ZSCAN18: variants seen among roughly 807,000 people sequenced by gnomAD.
ZSCAN18 encodes zinc finger and SCAN domain-containing protein 18.
Under a neutral mutation model 31.1 loss-of-function variants are expected in ZSCAN18, and 16 were observed. The observed-to-expected ratio is 0.51, with a 90% confidence interval of 0.35 to 0.78. The LOEUF is 0.78. Ranked by LOEUF, ZSCAN18 falls within the 30% of genes least tolerant of loss-of-function variation. The pLI is 0.01. For synonymous variants in ZSCAN18, 375 were observed against 320.7 expected (o/e 1.17, Z -1.81); for missense variants, 731 against 697.4 (o/e 1.05, Z -0.54).
chr19:58,113,955 G>A (rs2146030456), intron 1 of ZSCAN18, among the ~76,000 whole-genome samples: 1 of 152,184 alleles, frequency 6.6e-6, no homozygotes, highest in Non-Finnish European at 1.5e-5. Flanking sequence ...TCCAGCCTGG[G>A]CAACAGAGAG....
At chr19:58,103,213 T>G (rs781736579), upstream of ZSCAN18, among the ~76,000 whole-genome samples, 2 of 152,238 alleles carry the variant, frequency 1.3e-5, no homozygotes, top group Non-Finnish European at 2.9e-5. Context: ...TGGCAAGATA[T>G]GTATCACAGA....
intron 1 of ZSCAN18, among the ~76,000 whole-genome samples, chr19:58,094,368 G>C (rs76603935): frequency 1.3e-5 from 2 of 150,356 alleles, no homozygotes; most frequent in Non-Finnish European, 3.0e-5. Flanking sequence ...CCGAGATCGC[G>C]CCACTGCACT....
upstream of ZSCAN18, among the ~76,000 whole-genome samples, chr19:58,102,461 AAAACAAACAAAC>A (rs75475027): frequency 2.4e-4 from 36 of 147,102 alleles, no homozygotes; most frequent in African/African-American, 8.3e-4. Flanking sequence ...ACTCCATCTC[AAAACAAACAAAC>A]AAACAAACAA....
chr19:58,108,389 G>A (rs566522836), intron 1 of ZSCAN18: 21 of 985,482 alleles, frequency 2.1e-5, no homozygotes, highest in Non-Finnish European at 2.5e-5. Context: ...CAAGGGAAGA[G>A]TGGCAGCTGA....
chr19:58,095,386 G>A (rs979237290), intron 1 of ZSCAN18, among the ~76,000 whole-genome samples: 1 of 152,200 alleles, frequency 6.6e-6, no homozygotes, highest in Non-Finnish European at 1.5e-5. Flanking sequence ...AGGTGCAAGT[G>A]GGAAATAGAG....
Position 58,085,117 on chromosome 19 carries a change from C to A in ZSCAN18, c.1101G>T (p.Leu367=). The A allele has an allele frequency of 6.2e-7, 1 of 1,607,334 alleles. No individual in the cohort carries two copies. The highest frequency in any genetic ancestry group is 8.5e-7 in the Non-Finnish European group (1 of 1,176,980). The change falls in exon 7 of 7, where the codon CTG becomes CTT. Residue 367 remains leucine (L), a synonymous_variant. Transcript: ENST00000601144. ...CCTCGGGGTGCGGCCTCTTGGTTCCCAGTTTCGCCGTGCCCCTGTCCGGGG... is the reference window on the plus strand; with the variant it reads ...CCTCGGGGTGCGGCCTCTTGGTTCCAAGTTTCGCCGTGCCCCTGTCCGGGG... ...QPAPDRGTAK[L]GTKRPHPEDG...
chr19:58,085,229 C>A lies in ZSCAN18; in HGVS notation c.989G>T (p.Gly330Val), dbSNP rs1323030036. 1.2e-6 allele frequency: 2 copies of A among 1,607,742 alleles called. No homozygotes were observed. The highest frequency in any genetic ancestry group is 8.5e-7 in the Non-Finnish European group (1 of 1,179,144). The change falls in exon 7 of 7, where the codon GGG becomes GTG. Residue 330 changes from glycine to valine, a missense_variant. By Grantham distance (109) the Gly-to-Val change is moderately radical. This residue lies in a region of ZSCAN18 where 597 missense variants were observed against 499.5 expected (regional missense o/e 1.20). Coordinates refer to ENST00000601144, the MANE Select transcript of ZSCAN18 (RefSeq NM_001145543.2). ...GTTEEEEEQP[G>V]KAPDPQDPQD... ...GGGGTCCTGCGGGTCCGGGGCCTTC[C>A]CAGGCTGCTCTTCCTCCTCCTCAGT... is the stretch of plus-strand genomic sequence containing the variant.
chr19:58,115,461 C>G (rs1053326693), intron 1 of ZSCAN18, among the ~76,000 whole-genome samples: 2 of 152,080 alleles, frequency 1.3e-5, no homozygotes, highest in Non-Finnish European at 2.9e-5. Context: ...CACTGTTGAG[C>G]CTTGGGTGCA....
chr19:58,113,237 A>AC (rs2074702101), intron 1 of ZSCAN18, among the ~76,000 whole-genome samples: 1 of 151,398 alleles, frequency 6.6e-6, no homozygotes, highest in South Asian at 2.1e-4. Context: ...AATGGCGTGA[A>AC]CCCGGGAGGC....
chr19:58,094,116 G>C (rs2074472163), intron 1 of ZSCAN18, among the ~76,000 whole-genome samples: 1 of 151,862 alleles, frequency 6.6e-6, no homozygotes, highest in Non-Finnish European at 1.5e-5. Flanking sequence ...ACTTAAAAAG[G>C]GTTTCTTTCC....
At chr19:58,115,868 A>G (rs7258103) in intron 1 of ZSCAN18, among the ~76,000 whole-genome samples, 28,635 of 152,112 alleles carry the variant, frequency 0.19, 2,955 homozygotes, top group Non-Finnish European at 0.24. Context: ...GAAAACCTAC[A>G]GGCTAGAAAA....
At chr19:58,094,983 G>A (rs1292001770) in intron 1 of ZSCAN18, among the ~76,000 whole-genome samples, 1 of 151,998 alleles carries the variant, frequency 6.6e-6, no homozygotes, top group East Asian at 1.9e-4. Context: ...CTTAATCCCA[G>A]GAGTTGGAGG....
chr19:58,093,048 A>C (rs931457951), intron 1 of ZSCAN18, among the ~76,000 whole-genome samples: 1 of 152,060 alleles, frequency 6.6e-6, no homozygotes, highest in African/African-American at 2.4e-5. Flanking sequence ...AAGTGCTGGG[A>C]TTACAGGCGT....
chr19:58,114,478 C>A, intron 1 of ZSCAN18, among the ~76,000 whole-genome samples: 1 of 152,050 alleles, frequency 6.6e-6, no homozygotes, highest in South Asian at 2.1e-4. Flanking sequence ...AATATATATA[C>A]ATGTAGACAT....
chr19:58,097,922 T>C, intron 1 of ZSCAN18: 1 of 981,830 alleles, frequency 1.0e-6, no homozygotes, highest in South Asian at 4.7e-5. Context: ...GTTGCACTAG[T>C]TCCCTACCTG....
upstream of ZSCAN18, among the ~76,000 whole-genome samples, chr19:58,099,349 A>G (rs1215551494): frequency 6.6e-6 from 1 of 152,166 alleles, no homozygotes; most frequent in African/African-American, 2.4e-5. Flanking sequence ...AAGTGGGATC[A>G]TACAGTATGT....
In ZSCAN18 at chr19:58,085,045, G is replaced by A. The variant is rs767285174; in HGVS notation, c.1173C>T (p.Ser391=). ...SLEGVSSSGD[S]AGLEAGQGPG... ...GGCCCTGCCCGGCCTCCAGCCCTGC[G>A]CTGTCGCCGGAGCTAGAGACGCCCT... Residue 391 remains serine, a synonymous_variant, in exon 7 of 7, where the codon AGC becomes AGT. Transcript: ENST00000601144. The A allele has an allele frequency of 6.9e-6, 11 of 1,595,852 alleles. 1 individual carries two copies. Among genetic ancestry groups the A allele is most frequent in the Middle Eastern group, 3.3e-4 (2 of 6,006 alleles).
intron 1 of ZSCAN18, among the ~76,000 whole-genome samples, chr19:58,095,049 C>T (rs886174414): frequency 1.3e-5 from 2 of 152,124 alleles, no homozygotes; most frequent in African/African-American, 4.8e-5. Context: ...ACAGCAAGAT[C>T]CTGTCTCTAA....
chr19:58,113,528 G>A (rs1209326653), intron 1 of ZSCAN18, among the ~76,000 whole-genome samples: 1 of 152,126 alleles, frequency 6.6e-6, no homozygotes, highest in Non-Finnish European at 1.5e-5. Flanking sequence ...TATGGGGGAG[G>A]CATGTAGCAT....
Sources: allele counts gnomAD v4.1 joint callset (sites outside exome capture counted in the v4.1 genomes callset), GRCh38; gene constraint gnomAD v4.1.1; regional missense constraint gnomAD v4.1.1; transcripts MANE v1.5; gene names NCBI Gene and HGNC (gene_info 2026-07-23, HGNC 2026-07-21).